Variants in NKAIN2 observed in about 807,000 individuals in gnomAD.
NKAIN2 encodes sodium/potassium-transporting ATPase subunit beta-1-interacting protein 2.
In NKAIN2, 14 loss-of-function variants were observed where a neutral mutation model predicts 32.6. The observed-to-expected ratio is 0.43, with a 90% CI of 0.28 to 0.67. The LOEUF is 0.67. Among genes scored for constraint, NKAIN2 ranks in the 30% least tolerant of loss-of-function variants. The pLI is 0.17. For synonymous variants in NKAIN2, 80 were observed against 87.2 expected (o/e 0.92, Z 0.46); for missense variants, 198 against 258.3 (o/e 0.77, Z 1.60).
At chr6:124,297,889 GA>G (rs1796127445) in intron 2 of NKAIN2, among the ~76,000 whole-genome samples, 1 of 152,062 alleles carries the variant, frequency 6.6e-6, no homozygotes, top group Non-Finnish European at 1.5e-5. Flanking sequence ...CTAAAAACCT[GA>G]CTCTATCAAT....
intron 4 of NKAIN2, among the ~76,000 whole-genome samples, chr6:124,789,169 A>T (rs1779633764): frequency 6.6e-6 from 1 of 152,074 alleles, no homozygotes; most frequent in African/African-American, 2.4e-5. Context: ...GACTCTAGTG[A>T]CACTTTAATG....
In NKAIN2 at chr6:123,824,540, C is replaced by G. The variant is rs138549863; in HGVS notation, c.54+20286C>G. Among the ~76,000 whole-genome samples the G allele has an allele frequency of 4.5e-3, 680 of 151,964 alleles. 9 individuals carry two copies. Among genetic ancestry groups the G allele is most frequent in the African/African-American group, 0.016 (652 of 41,444 alleles). ...ATGCACCTCACTTGCCTTTGAGGGC[C>G]TTATTATAGAAAGTTGGAGTAGTTT... On this transcript the variant is annotated intron_variant, in intron 1 of 6. Transcript: ENST00000368417.
intron 3 of NKAIN2, among the ~76,000 whole-genome samples, chr6:124,445,486 C>G (rs1455285611): frequency 6.6e-6 from 1 of 151,886 alleles, no homozygotes; most frequent in Non-Finnish European, 1.5e-5. Flanking sequence ...TTGATTTCCT[C>G]TGGAAGACAA....
At chr6:124,073,432 T>C (rs1783548357) in intron 1 of NKAIN2, among the ~76,000 whole-genome samples, 1 of 152,188 alleles carries the variant, frequency 6.6e-6, no homozygotes, top group Non-Finnish European at 1.5e-5. Flanking sequence ...ATCTAAATTA[T>C]TGTATAATTT....
intron 2 of NKAIN2, among the ~76,000 whole-genome samples, chr6:124,333,678 A>AATACATAC (rs1554283514): frequency 6.6e-6 from 1 of 151,408 alleles, no homozygotes; most frequent in Non-Finnish European, 1.5e-5. Flanking sequence ...TAAATAAATA[A>AATACATAC]ATAAATACAT....
At chr6:124,330,310 G>A (rs961343338) in intron 2 of NKAIN2, among the ~76,000 whole-genome samples, 2 of 152,162 alleles carry the variant, frequency 1.3e-5, no homozygotes, top group African/African-American at 4.8e-5. Context: ...ACTCTGAGAT[G>A]GAGATTTGCA....
intron 3 of NKAIN2, among the ~76,000 whole-genome samples, chr6:124,376,392 A>G (rs969672027): frequency 1.3e-5 from 2 of 152,156 alleles, no homozygotes; most frequent in African/African-American, 4.8e-5. Context: ...TGAATAATGC[A>G]AGATGTTTTT....
At chr6:124,012,392 A>G (rs747443497) in intron 1 of NKAIN2, among the ~76,000 whole-genome samples, 22 of 148,246 alleles carry the variant, frequency 1.5e-4, no homozygotes, top group African/African-American at 5.3e-4. Flanking sequence ...CTGGAGTTCA[A>G]TGGTGCGATC....
At chr6:124,618,716 C>A (rs771845406) in intron 3 of NKAIN2, among the ~76,000 whole-genome samples, 1 of 151,932 alleles carries the variant, frequency 6.6e-6, no homozygotes, top group African/African-American at 2.4e-5. Context: ...AGAAACTTAC[C>A]GGCAATGAGA....
intron 1 of NKAIN2, among the ~76,000 whole-genome samples, chr6:124,179,659 A>G (rs996518721): frequency 6.6e-6 from 1 of 152,152 alleles, no homozygotes; most frequent in African/African-American, 2.4e-5. Context: ...GCTCCATTTC[A>G]CCCATTACCC....
intron 1 of NKAIN2, among the ~76,000 whole-genome samples, chr6:123,979,265 T>C (rs1778784704): frequency 6.6e-6 from 1 of 152,182 alleles, no homozygotes; most frequent in African/African-American, 2.4e-5. Flanking sequence ...AAAACAATAA[T>C]TTTAAATTTT....
intron 1 of NKAIN2, among the ~76,000 whole-genome samples, chr6:124,075,694 C>T (rs556324144): frequency 6.6e-6 from 1 of 152,266 alleles, no homozygotes; most frequent in South Asian, 2.1e-4. Context: ...CTCCCGGGTT[C>T]AAGCTCTTCT....
At chr6:124,352,530 G>T (rs1798779591) in intron 2 of NKAIN2, among the ~76,000 whole-genome samples, 1 of 152,138 alleles carries the variant, frequency 6.6e-6, no homozygotes. Flanking sequence ...AATGCTTGCC[G>T]ACGACAAATT....
chr6:124,197,403 C>A (rs1790368034), intron 1 of NKAIN2, among the ~76,000 whole-genome samples: 3 of 152,010 alleles, frequency 2.0e-5, no homozygotes, highest in Non-Finnish European at 2.9e-5. Context: ...GAGCTCACTT[C>A]TCTTTGGAAT....
chr6:124,805,307 G>A (rs9385348), intron 5 of NKAIN2, among the ~76,000 whole-genome samples: 27,944 of 152,036 alleles, frequency 0.18, 3,554 homozygotes, highest in East Asian at 0.58. Context: ...CCAGAGGAAC[G>A]ATCAGACAGC....
intron 3 of NKAIN2, among the ~76,000 whole-genome samples, chr6:124,432,156 C>T (rs1327963799): frequency 6.6e-6 from 1 of 152,136 alleles, no homozygotes; most frequent in African/African-American, 2.4e-5. Context: ...TGCCATGCTT[C>T]AGAATCAACC....
intron 3 of NKAIN2, among the ~76,000 whole-genome samples, chr6:124,411,334 C>T (rs1330557645): frequency 1.3e-5 from 2 of 151,920 alleles, no homozygotes; most frequent in African/African-American, 4.8e-5. Context: ...TGTTCCTTTC[C>T]ATGTTTAGTG....
intron 2 of NKAIN2, among the ~76,000 whole-genome samples, chr6:124,325,175 C>T (rs1797362093): frequency 1.3e-5 from 2 of 152,038 alleles, no homozygotes; most frequent in African/African-American, 4.8e-5. Flanking sequence ...AGGAAATTTT[C>T]AGGCTCAGAC....
chr6:124,581,725 A>T (rs1339735692), intron 3 of NKAIN2, among the ~76,000 whole-genome samples: 2 of 152,192 alleles, frequency 1.3e-5, no homozygotes, highest in Non-Finnish European at 2.9e-5. Flanking sequence ...GGATACAAAC[A>T]TATGTAAATT....
Sources: allele counts gnomAD v4.1 joint callset (sites outside exome capture counted in the v4.1 genomes callset), GRCh38; gene constraint gnomAD v4.1.1; transcripts MANE v1.5; gene names NCBI Gene and HGNC (gene_info 2026-07-23, HGNC 2026-07-21).